ACSF2: variants seen among roughly 807,000 people sequenced by gnomAD.
ACSF2 encodes the protein medium-chain acyl-CoA ligase ACSF2, mitochondrial.
Under a neutral mutation model 79.3 loss-of-function variants are expected in ACSF2, and 52 were observed. The observed-to-expected ratio is 0.66, with a 90% CI of 0.53 to 0.83. ACSF2 has a LOEUF of 0.83. Ranked by LOEUF, ACSF2 falls within the 40% of genes least tolerant of loss-of-function variation. The pLI, the probability that ACSF2 is intolerant of heterozygous loss-of-function variation, is 0.00. For synonymous variants in ACSF2, 283 were observed against 312.6 expected, an observed-to-expected ratio of 0.91 and a Z score of 1.00; for missense variants, 661 against 803.3, an observed-to-expected ratio of 0.82 and a Z score of 2.14.
At chr17:50,468,407 G>A in intron 10 of ACSF2, 1 of 1,614,152 alleles carries the variant, frequency 6.2e-7, no homozygotes, top group Non-Finnish European at 8.5e-7. Flanking sequence ...GGGCAGCTCA[G>A]TGACCTTGTT....
At position 50,455,792 on chromosome 17, in the gene ACSF2, C is replaced by T. The variant is rs113119994; in HGVS notation, c.129-4885C>T. On this transcript the variant is annotated intron_variant, in intron 1 of 15. Transcript: ENST00000300441. The stretch of plus-strand genomic sequence containing the variant: ...CACCTGCATTGAGACCTCGGGTCCT[C>T]GAGTCCCTGGCCTGGTGCATTCTCC... 9.0e-3 allele frequency among the ~76,000 whole-genome samples: 1,376 copies of T among 152,284 alleles called. 24 individuals are homozygous for T. Among genetic ancestry groups the T allele is most frequent in the African/African-American group, 0.03 (1,253 of 41,550 alleles).
chr17:50,463,658 C>G lies in ACSF2; in HGVS notation c.1046+106C>G. 6.5e-7 allele frequency: 1 copy of G among 1,539,308 alleles called. No individual in the cohort carries two copies. The highest frequency in any genetic ancestry group is 1.8e-5 in the Admixed American group (1 of 55,790). ...CTGCCTCCTCCCTCCAGCCAGGAGACTGAGGATGGGGACAGTGGAGGACCC... is the reference window on the plus strand; with the variant it reads ...CTGCCTCCTCCCTCCAGCCAGGAGAGTGAGGATGGGGACAGTGGAGGACCC... On this transcript the variant is annotated intron_variant, in intron 8 of 15. Coordinates refer to ENST00000300441, the MANE Select transcript of ACSF2 (RefSeq NM_025149.6). The surrounding 1 kb of genome is among the most constrained non-coding windows in gnomAD (Gnocchi z 4.6).
chr17:50,473,698 C>T lies in ACSF2; in HGVS notation c.1509C>T (p.Cys503=), dbSNP rs2033218644. Residue 503 remains cysteine (C), a synonymous_variant, in exon 13 of 16, where the codon TGC becomes TGT. Coordinates refer to ENST00000300441, the MANE Select transcript of ACSF2 (RefSeq NM_025149.6). The part of the protein sequence containing the change: ...DVATMNEQGF[C]KIVGRSKDMI... ...CCACAATGAATGAGCAGGGCTTCTG[C>T]AAGATCGTGGGCCGCTCTAAGGATA... is the stretch of plus-strand genomic sequence containing the variant. 6.2e-7 allele frequency: 1 copy of T among 1,614,210 alleles called. No homozygotes were observed. The highest frequency in any genetic ancestry group is 8.5e-7 in the Non-Finnish European group (1 of 1,180,048).
chr17:50,471,341 G>GT lies in ACSF2; in HGVS notation c.1323+207dup. 1.8e-6 allele frequency: 1 copy of GT among 552,840 alleles called. No homozygotes were observed. The allele number at this position is 552,840 out of a possible 1,614,324, so 34.2% of individuals were successfully genotyped here. A position where few individuals can be genotyped will look rare whatever the true frequency, so the allele number is the denominator to read the frequency against. Reference sequence around the variant, plus strand: ...AAGGGGAAGAGCTGGAACAGTGGCTGTGAGCGGCTGCCAGCTGAACTTCTC... The same window carrying GT: ...AAGGGGAAGAGCTGGAACAGTGGCTGTTGAGCGGCTGCCAGCTGAACTTCTC... On this transcript the variant is annotated intron_variant, in intron 11 of 15. Transcript: ENST00000300441. The surrounding 1 kb of genome is among the most constrained non-coding windows in gnomAD (Gnocchi z 4.1).
At chr17:50,443,172 T>A (rs2143576023) in intron 1 of ACSF2, among the ~76,000 whole-genome samples, 1 of 152,286 alleles carries the variant, frequency 6.6e-6, no homozygotes, top group East Asian at 1.9e-4. Context: ...CCTCCCAAAG[T>A]GCTGGGATTA....
chr17:50,441,783 A>AAG (rs1430456256), intron 1 of ACSF2, among the ~76,000 whole-genome samples: 5 of 152,170 alleles, frequency 3.3e-5, no homozygotes, highest in Non-Finnish European at 7.3e-5. Context: ...CCTACAGTGT[A>AAG]TTAGACATTT....
At chr17:50,453,752 G>T (rs984982730) in intron 1 of ACSF2, among the ~76,000 whole-genome samples, 1 of 151,684 alleles carries the variant, frequency 6.6e-6, no homozygotes, top group Non-Finnish European at 1.5e-5. Context: ...TGTGGTTGTT[G>T]TTTTGGGTTT....
At chr17:50,469,430 T>G (rs994241422) in intron 10 of ACSF2, among the ~76,000 whole-genome samples, 4 of 152,076 alleles carry the variant, frequency 2.6e-5, no homozygotes, top group African/African-American at 9.7e-5. Flanking sequence ...GTCTCCCACT[T>G]CAGACTCGAC....
Position 50,463,548 on chromosome 17 carries a change from G to A in ACSF2, c.1042G>A (p.Glu348Lys), listed in dbSNP as rs760403548. ...GKKALEAISR[E>K]RGTFLYGTPT... ...GAAGGCACTGGAGGCCATCAGCAGAGAGAGGTGGGCACTGGTGGACAGGCT... is the reference window on the plus strand; with the variant it reads ...GAAGGCACTGGAGGCCATCAGCAGAAAGAGGTGGGCACTGGTGGACAGGCT... The change falls in exon 8 of 16, where the codon GAG (glutamate) becomes AAG (lysine). Residue 348 changes from glutamate to lysine, a missense_variant. Physicochemically the swap from Glu to Lys is moderately conservative, Grantham distance 56 (BLOSUM62 1). Coordinates refer to ENST00000300441, the MANE Select transcript of ACSF2 (RefSeq NM_025149.6). This position sits in a 1 kb window ranked among gnomAD's most constrained non-coding sequence, Gnocchi z 4.6. The A allele has an allele frequency of 6.2e-7, 1 of 1,614,016 alleles. No homozygotes were observed. The highest frequency in any genetic ancestry group is 2.2e-5 in the East Asian group (1 of 44,884).
chr17:50,435,201 G>A (rs1012397242), intron 1 of ACSF2, among the ~76,000 whole-genome samples: 4 of 152,132 alleles, frequency 2.6e-5, no homozygotes, highest in Admixed American at 1.3e-4. Flanking sequence ...AGAAGCCAAG[G>A]AGTGCTTTTG....
intron 1 of ACSF2, among the ~76,000 whole-genome samples, chr17:50,445,622 C>T (rs566600080): frequency 7.9e-5 from 12 of 152,136 alleles, no homozygotes; most frequent in African/African-American, 2.7e-4. Flanking sequence ...TAGGGAGACA[C>T]TCTGACTCTA....
chr17:50,462,210 C>T lies in ACSF2; in HGVS notation c.534C>T (p.Pro178=). The change falls in exon 5 of 16, where the codon CCC becomes CCT. Residue 178 remains proline, a synonymous_variant. Coordinates refer to ENST00000300441, the MANE Select transcript of ACSF2 (RefSeq NM_025149.6). ...TGGGCTGCAAGGCCCTTGTGTTCCC[C>T]AAGCAATTCAAGACCCAGCAATACT... ...KKVGCKALVF[P]KQFKTQQYYN... is the part of the protein sequence containing the mutation. 5.6e-6 allele frequency: 9 copies of T among 1,613,998 alleles called. No individual in the cohort carries two copies. Among genetic ancestry groups the T allele is most frequent in the Non-Finnish European group, 7.6e-6 (9 of 1,180,004 alleles).
intron 1 of ACSF2, among the ~76,000 whole-genome samples, chr17:50,428,325 C>G (rs528592542): frequency 6.6e-6 from 1 of 151,736 alleles, no homozygotes; most frequent in South Asian, 2.1e-4. Context: ...ACTAAAAATA[C>G]AAAAATCAGC....
At chr17:50,452,966 T>C (rs1224620076) in intron 1 of ACSF2, among the ~76,000 whole-genome samples, 1 of 152,188 alleles carries the variant, frequency 6.6e-6, no homozygotes, top group African/African-American at 2.4e-5. Context: ...TTATATTATC[T>C]CTGATGATCA....
chr17:50,467,827 C>G, intron 10 of ACSF2: 1 of 536,044 alleles, frequency 1.9e-6, no homozygotes, highest in Non-Finnish European at 3.2e-6. Flanking sequence ...TGTAAGAATC[C>G]TAGGAGGGCA....
At chr17:50,466,433 G>A (rs984778608) in intron 10 of ACSF2, among the ~76,000 whole-genome samples, 6 of 152,188 alleles carry the variant, frequency 3.9e-5, no homozygotes, top group African/African-American at 9.7e-5. Context: ...CGGAAAAAGC[G>A]CAGTCCTTTG....
intron 2 of ACSF2, 125 bp downstream of exon 2, chr17:50,460,997 G>A (rs1411423449): frequency 2.3e-5 from 28 of 1,241,992 alleles, no homozygotes; most frequent in Admixed American, 5.1e-5. Flanking sequence ...AGAGAACCCC[G>A]AGGGATGGCA....
Position 50,463,379 on chromosome 17 carries a change from C to G in ACSF2, c.889-16C>G, listed in dbSNP as rs376856056. Reference sequence around the variant, plus strand: ...CTGGCTCCAAGACAGACCCAGCCTCCTGTCTCCATCACCAGACACCAGAGC... The same window carrying G: ...CTGGCTCCAAGACAGACCCAGCCTCGTGTCTCCATCACCAGACACCAGAGC... On this transcript the variant is annotated splice_polypyrimidine_tract_variant and intron_variant, in intron 7 of 15. Transcript: ENST00000300441. The surrounding 1 kb of genome is among the most constrained non-coding windows in gnomAD (Gnocchi z 4.6). The G allele has an allele frequency of 1.7e-5, 27 of 1,613,160 alleles. No individual in the cohort carries two copies. In the African/African-American group the frequency reaches 2.7e-4, roughly 16 times the overall value.
chr17:50,427,623 A>G (rs973391467), intron 1 of ACSF2, among the ~76,000 whole-genome samples: 1 of 152,162 alleles, frequency 6.6e-6, no homozygotes, highest in African/African-American at 2.4e-5. Flanking sequence ...GAGGACTCTG[A>G]GGAAAGTTAC....
Sources: gnomAD v4.1 joint callset for allele counts (sites outside exome capture counted in the v4.1 genomes callset) on GRCh38, gnomAD v4.1.1 for gene constraint, Gnocchi (gnomAD v3.1) non-coding constraint, MANE v1.5 for transcripts, NCBI Gene and HGNC (gene_info 2026-07-23, HGNC 2026-07-21) for gene names.